Variants in TEX11 observed in about 807,000 individuals in gnomAD.
TEX11 encodes testis-expressed protein 11.
A neutral mutation model predicts 84.4 loss-of-function variants in TEX11; 7 were observed. That is an observed-to-expected ratio of 0.08 (90% confidence interval 0.05 to 0.16). The LOEUF is 0.16. Among genes scored for constraint, TEX11 ranks in the 10% least tolerant of loss-of-function variants. The probability of loss-of-function intolerance (pLI) is 1.00; values close to 1 mark genes in which losing one functional copy is unlikely to be tolerated. For missense variants in TEX11, 551 were observed against 660.5 expected, an observed-to-expected ratio of 0.83 and a Z score of 1.82; for synonymous variants, 264 against 222.8, an observed-to-expected ratio of 1.18 and a Z score of -1.64.
In TEX11 at chrX:70,591,755, T is replaced by C. The variant is rs373821400; in HGVS notation, c.2136A>G (p.Gln712=). The change falls in exon 25 of 30, where the codon CAA becomes CAG. Residue 712 remains glutamine (Q), a synonymous_variant. Coordinates refer to ENST00000374333, the MANE Select transcript of TEX11 (RefSeq NM_031276.3). ...AACTTCCAGTTCCTACTGTACCTGT[T>C]TGTTTCAGGAAATTATGGATGTCAT... ...TCNDIHNFLK[Q]TGTFSNDSCE... 1.0e-5 allele frequency: 12 copies of C among 1,202,624 alleles called. No individual in the cohort carries two copies. In the African/African-American group the frequency reaches 1.4e-4, roughly 14 times the overall value.
chrX:70,754,551 G>T (rs1274531935), intron 9 of TEX11, among the ~76,000 whole-genome samples: 2 of 111,807 alleles, frequency 1.8e-5, no homozygotes, highest in African/African-American at 3.3e-5. Flanking sequence ...AAGAACACAG[G>T]CCTGGCTGGC....
At chrX:70,843,501 A>G (rs1489548510) in intron 7 of TEX11, among the ~76,000 whole-genome samples, 1 of 111,875 alleles carries the variant, frequency 8.9e-6, no homozygotes, top group African/African-American at 3.2e-5. Flanking sequence ...AAACCATAAA[A>G]CCCCTAGAAG....
At chrX:70,811,966 T>G (rs2091257896) in intron 8 of TEX11, among the ~76,000 whole-genome samples, 1 of 111,842 alleles carries the variant, frequency 8.9e-6, no homozygotes, top group Admixed American at 9.5e-5. Context: ...TTTTCTCCCA[T>G]TCTGTACGCT....
chrX:70,511,425 T>A, the TEX11 span, among the ~76,000 whole-genome samples: 2 of 111,819 alleles, frequency 1.8e-5, no homozygotes, highest in Admixed American at 1.9e-4. Context: ...CACAAACTGA[T>A]AAGTGCTGTT....
intron 15 of TEX11, among the ~76,000 whole-genome samples, chrX:70,671,225 C>G (rs2090019468): frequency 9.0e-6 from 1 of 111,035 alleles, no homozygotes; most frequent in South Asian, 3.8e-4. Flanking sequence ...TAGGAATAAC[C>G]TGGATAATTA....
At chrX:70,566,048 C>T (rs1379676330) in intron 25 of TEX11, among the ~76,000 whole-genome samples, 1 of 109,190 alleles carries the variant, frequency 9.2e-6, no homozygotes, top group Admixed American at 9.8e-5. Flanking sequence ...ATGGAATGTT[C>T]TTCCATTTGT....
intron 9 of TEX11, among the ~76,000 whole-genome samples, chrX:70,780,281 C>CA (rs2091029763): frequency 1.8e-5 from 2 of 111,045 alleles, no homozygotes; most frequent in Non-Finnish European, 3.8e-5. Flanking sequence ...CACGCACACA[C>CA]AAAAAAAAGA....
chrX:70,628,206 G>T (rs999235529), intron 18 of TEX11, among the ~76,000 whole-genome samples: 1 of 105,488 alleles, frequency 9.5e-6, no homozygotes, highest in Non-Finnish European at 2.0e-5. Context: ...CTCCAGCCTG[G>T]GTGACAGAGT....
intron 2 of TEX11, among the ~76,000 whole-genome samples, chrX:70,902,922 GC>G (rs2091811080): frequency 8.9e-6 from 1 of 111,815 alleles, no homozygotes; most frequent in Non-Finnish European, 1.9e-5. Context: ...TATTCTATAA[GC>G]TTTTTTCTGT....
chrX:70,678,927 G>T (rs766803736), intron 14 of TEX11, 38 bp from the exon 15 acceptor site: 1 of 1,092,069 alleles, frequency 9.2e-7, no homozygotes, highest in South Asian at 2.0e-5. Flanking sequence ...AAGAATCTCG[G>T]TCTATTGTCT....
At chrX:70,647,963 C>T (rs974085007) in intron 17 of TEX11, among the ~76,000 whole-genome samples, 13 of 111,658 alleles carry the variant, frequency 1.2e-4, no homozygotes, top group African/African-American at 4.2e-4. Context: ...CACATGCACA[C>T]GTATGTTTAT....
intron 2 of TEX11, among the ~76,000 whole-genome samples, chrX:70,891,091 T>C (rs2091735606): frequency 8.9e-6 from 1 of 112,025 alleles, no homozygotes; most frequent in South Asian, 3.7e-4. Context: ...GCAAACAGGG[T>C]CTGGAGTGGA....
chrX:70,865,580 A>G (rs1367194598), intron 4 of TEX11, among the ~76,000 whole-genome samples: 3 of 111,993 alleles, frequency 2.7e-5, no homozygotes, highest in African/African-American at 9.7e-5. Flanking sequence ...CCTCAAATCA[A>G]CAGAATATAC....
At chrX:70,888,932 A>C (rs1297144584) in intron 2 of TEX11, among the ~76,000 whole-genome samples, 1 of 111,393 alleles carries the variant, frequency 9.0e-6, no homozygotes, top group Non-Finnish European at 1.9e-5. Flanking sequence ...GGCATGACAT[A>C]TTTAAAGTGC....
chrX:70,634,880 AAAGCACAATCCAT>A (rs1387200607), intron 17 of TEX11, among the ~76,000 whole-genome samples: 3 of 112,455 alleles, frequency 2.7e-5, no homozygotes, highest in Non-Finnish European at 5.6e-5. Context: ...TACAATGCCA[AAAGCACAATCCAT>A]AAAAGAAGAA....
chrX:70,799,598 T>C (rs189538179), intron 9 of TEX11, among the ~76,000 whole-genome samples: 4 of 112,482 alleles, frequency 3.6e-5, no homozygotes, highest in Admixed American at 9.4e-5. Flanking sequence ...GAGCTGCTTT[T>C]GCTTTGACTA....
At chrX:70,766,743 G>A (rs1257056597) in intron 9 of TEX11, among the ~76,000 whole-genome samples, 2 of 111,673 alleles carry the variant, frequency 1.8e-5, no homozygotes, top group African/African-American at 6.5e-5. Context: ...AAGAGCTATA[G>A]TAACCAAAAT....
chrX:70,729,397 G>A (rs1411242711), intron 11 of TEX11, among the ~76,000 whole-genome samples: 1 of 111,472 alleles, frequency 9.0e-6, no homozygotes, highest in Non-Finnish European at 1.9e-5. Context: ...CGGCAAAGAA[G>A]TTAAAAACCT....
chrX:70,840,350 C>G (rs756303479), intron 7 of TEX11, among the ~76,000 whole-genome samples: 10 of 111,645 alleles, frequency 9.0e-5, no homozygotes, highest in African/African-American at 3.3e-4. Flanking sequence ...GAAGAATTTT[C>G]AACCCACAAT....
Sources: gnomAD v4.1 joint callset for allele counts (sites outside exome capture counted in the v4.1 genomes callset) on GRCh38, gnomAD v4.1.1 for gene constraint, MANE v1.5 for transcripts, NCBI Gene and HGNC (gene_info 2026-07-23, HGNC 2026-07-21) for gene names.